Variants in ARB2A observed in about 807,000 individuals in gnomAD.
ARB2A encodes the protein ARB2 cotranscriptional regulator A.
At chr5:93,742,635 G>A in the ARB2A span, among the ~76,000 whole-genome samples, 56 of 152,210 alleles carry the variant, frequency 3.7e-4, no homozygotes, top group Admixed American at 4.6e-4. Context: ...AACCAACCAT[G>A]ATGTGGCTCT....
the ARB2A span, chr5:93,737,274 A>G: frequency 6.6e-6 from 1 of 152,190 alleles, no homozygotes; most frequent in African/African-American, 2.4e-5. Context: ...AACACTGCTC[A>G]AAGAAATTAA....
At chr5:93,781,539 C>A in the ARB2A span, among the ~76,000 whole-genome samples, 11 of 152,018 alleles carry the variant, frequency 7.2e-5, no homozygotes, top group Non-Finnish European at 1.3e-4. Flanking sequence ...TATTTTGCTT[C>A]GGGTAGATAC....
the ARB2A span, among the ~76,000 whole-genome samples, chr5:93,751,064 T>C: frequency 6.6e-6 from 1 of 152,178 alleles, no homozygotes; most frequent in African/African-American, 2.4e-5. Flanking sequence ...TATCAATAAC[T>C]TTTAACTTAG....
At chr5:94,093,976 TAGAA>T in the ARB2A span, among the ~76,000 whole-genome samples, 1 of 152,160 alleles carries the variant, frequency 6.6e-6, no homozygotes, top group Non-Finnish European at 1.5e-5. Flanking sequence ...GTGCCAAACT[TAGAA>T]AGGCAAATTC....
the ARB2A span, chr5:93,618,157 G>A: frequency 1.3e-5 from 2 of 148,936 alleles, no homozygotes; most frequent in South Asian, 2.1e-4. Flanking sequence ...TTTTTACTTC[G>A]CATAAACAAT....
chr5:93,776,975 T>A, the ARB2A span, among the ~76,000 whole-genome samples: 12 of 152,152 alleles, frequency 7.9e-5, no homozygotes, highest in Non-Finnish European at 1.6e-4. Flanking sequence ...TAGCCAATTT[T>A]TAAACTATAT....
chr5:94,050,372 A>G, the ARB2A span, among the ~76,000 whole-genome samples: 26 of 149,656 alleles, frequency 1.7e-4, no homozygotes, highest in Non-Finnish European at 3.8e-4. Flanking sequence ...CTCCTGCCTC[A>G]GCCTTCCAAG....
At chr5:93,865,252 T>A in the ARB2A span, 1 of 287,700 alleles carries the variant, frequency 3.5e-6, no homozygotes, top group Non-Finnish European at 5.2e-6. Context: ...TGGCTAATTT[T>A]TTGTATTTTT....
the ARB2A span, among the ~76,000 whole-genome samples, chr5:94,058,854 T>G: frequency 6.6e-6 from 1 of 152,044 alleles, no homozygotes; most frequent in Non-Finnish European, 1.5e-5. Flanking sequence ...GTGGGAGGTG[T>G]TTGGGTCATG....
chr5:93,829,037 A>G, the ARB2A span, among the ~76,000 whole-genome samples: 1 of 152,104 alleles, frequency 6.6e-6, no homozygotes, highest in Non-Finnish European at 1.5e-5. Context: ...CCGGCCTCCC[A>G]AAGTGCTGGG....
At chr5:93,804,111 AAGATAAATTTTAAAATGTGAGCTTTT>A in the ARB2A span, among the ~76,000 whole-genome samples, 2 of 152,056 alleles carry the variant, frequency 1.3e-5, no homozygotes, top group African/African-American at 4.8e-5. Flanking sequence ...ACACCATACA[AAGATAAATTTTAAAATGTGAGCTTTT>A]AGCTTTAACT....
At chr5:93,652,910 GGA>G in the ARB2A span, among the ~76,000 whole-genome samples, 1 of 152,296 alleles carries the variant, frequency 6.6e-6, no homozygotes, top group African/African-American at 2.4e-5. Context: ...TGGAAAAAAA[GGA>G]GAGAACAAAA....
At chr5:93,782,233 AC>A in the ARB2A span, among the ~76,000 whole-genome samples, 12 of 152,192 alleles carry the variant, frequency 7.9e-5, no homozygotes, top group Non-Finnish European at 1.8e-4. Flanking sequence ...CAATGATAAC[AC>A]ATCTCATTTC....
chr5:94,083,833 A>C, the ARB2A span, among the ~76,000 whole-genome samples: 48 of 152,260 alleles, frequency 3.2e-4, no homozygotes, highest in South Asian at 6.2e-4. Context: ...TAAAAAAAAA[A>C]AAACAAGAAT....
chr5:93,944,745 A>C, the ARB2A span, among the ~76,000 whole-genome samples: 2 of 152,290 alleles, frequency 1.3e-5, no homozygotes, highest in South Asian at 4.1e-4. Context: ...GGTGGTATTC[A>C]AACATCAGGA....
the ARB2A span, among the ~76,000 whole-genome samples, chr5:93,765,899 C>G: frequency 1.3e-5 from 2 of 152,262 alleles, no homozygotes; most frequent in Middle Eastern, 3.4e-3. Context: ...CTACAACCAT[C>G]TGATCTTTGA....
the ARB2A span, among the ~76,000 whole-genome samples, chr5:93,702,427 C>T: frequency 6.6e-6 from 1 of 152,134 alleles, no homozygotes; most frequent in Non-Finnish European, 1.5e-5. Context: ...CCTAACATCA[C>T]TATCTAAAAC....
chr5:93,653,066 ATACT>A, the ARB2A span, among the ~76,000 whole-genome samples: 1 of 152,294 alleles, frequency 6.6e-6, no homozygotes, highest in African/African-American at 2.4e-5. Context: ...AATAAAAATA[ATACT>A]TACATTATAG....
the ARB2A span, among the ~76,000 whole-genome samples, chr5:93,879,391 T>G: frequency 6.6e-6 from 1 of 152,006 alleles, no homozygotes; most frequent in African/African-American, 2.4e-5. Flanking sequence ...TTGTATTATG[T>G]GTTTGGGCCT....
Sources: allele counts gnomAD v4.1 joint callset (sites outside exome capture counted in the v4.1 genomes callset), GRCh38; gene constraint gnomAD v4.1.1; transcripts MANE v1.5; gene names NCBI Gene and HGNC (gene_info 2026-07-23, HGNC 2026-07-21).